Variants in ANKRD29 observed in about 807,000 individuals in gnomAD.
The protein encoded by ANKRD29 is ankyrin repeat domain-containing protein 29.
In ANKRD29, 32 loss-of-function variants were observed where a neutral mutation model predicts 38.0. That is an observed-to-expected ratio of 0.84 (90% CI 0.64 to 1.13). The LOEUF is 1.13. ANKRD29 is among the 50% of genes most tolerant of loss of function. ANKRD29 has a pLI of 0.00. For missense variants in ANKRD29, 357 were observed against 377.9 expected (o/e 0.94, Z 0.46); for synonymous variants, 135 against 152.4 (o/e 0.89, Z 0.84).
At chr18:23,619,492 G>A in intron 7 of ANKRD29, 39 bp downstream of exon 7, 1 of 1,533,472 alleles carries the variant, frequency 6.5e-7, no homozygotes, top group South Asian at 1.2e-5. Flanking sequence ...AGGCGCGCCG[G>A]GAGGCTTCGC....
In ANKRD29 at chr18:23,638,941, T is replaced by C. The variant is rs780930366; in HGVS notation, c.238A>G (p.Thr80Ala). ...ADINLQRESG[T>A]TALFFAAQQG... ...TGGGCGGCAAAGAATAGGGCAGTTG[T>C]ACCTGACTGGGAGAGAGGGAGAGGC... The change falls in exon 4 of 10, where the codon ACA becomes GCA. Residue 80 changes from threonine (T) to alanine (A), a missense_variant. By Grantham distance (58) the Thr-to-Ala change is moderately conservative (BLOSUM62 0). Transcript: ENST00000592179. The C allele has an allele frequency of 8.7e-6, 14 of 1,606,146 alleles. No individual in the cohort carries two copies. Among genetic ancestry groups the C allele is most frequent in the Non-Finnish European group, 1.2e-5 (14 of 1,177,612 alleles).
intron 5 of ANKRD29, 136 bp from the exon 6 acceptor site, chr18:23,630,087 G>C: frequency 1.4e-6 from 1 of 690,944 alleles, no homozygotes. Flanking sequence ...CCAGGAGATA[G>C]AGACCAGCCT....
intron 5 of ANKRD29, among the ~76,000 whole-genome samples, chr18:23,632,949 A>G (rs1351003795): frequency 6.6e-6 from 1 of 152,170 alleles, no homozygotes; most frequent in East Asian, 1.9e-4. Context: ...TCACACCTAC[A>G]GAGCTCATTA....
chr18:23,638,873 T>G lies in ANKRD29; in HGVS notation c.306A>C (p.Gly102=). The G allele has an allele frequency of 1.2e-6, 2 of 1,612,224 alleles. No homozygotes were observed. Among genetic ancestry groups the G allele is most frequent in the Non-Finnish European group, 1.7e-6 (2 of 1,179,600 alleles). Residue 102 remains glycine, a synonymous_variant, in exon 4 of 10, where the codon GGA becomes GGC. Coordinates refer to ENST00000592179, the MANE Select transcript of ANKRD29 (RefSeq NM_173505.4). ...CTTTGGTCCTAAATTCAGTGGATGC[T>G]CCAAATCCAAAGAGAAATCTCACGA... The part of the protein sequence containing the change: ...NDVVRFLFGF[G]ASTEFRTKDG...
intron 9 of ANKRD29, among the ~76,000 whole-genome samples, chr18:23,610,260 A>G (rs2059624549): frequency 6.6e-6 from 1 of 151,734 alleles, no homozygotes; most frequent in Non-Finnish European, 1.5e-5. Flanking sequence ...GGCGGATCAC[A>G]AGGTCAAGAG....
chr18:23,631,774 C>A (rs1363686752), intron 5 of ANKRD29, among the ~76,000 whole-genome samples: 1 of 152,190 alleles, frequency 6.6e-6, no homozygotes, highest in African/African-American at 2.4e-5. Context: ...AGTATCTATG[C>A]CTTCTGGGCA....
At chr18:23,662,666 C>T (rs2060381974) in intron 1 of ANKRD29, 44 bp downstream of exon 1, 2 of 1,417,688 alleles carry the variant, frequency 1.4e-6, no homozygotes, top group African/African-American at 1.5e-5. Flanking sequence ...GCCCGGCCGC[C>T]CGAGCCCGGC....
intron 8 of ANKRD29, among the ~76,000 whole-genome samples, chr18:23,616,677 A>G (rs1348947772): frequency 6.9e-6 from 1 of 144,916 alleles, no homozygotes; most frequent in Non-Finnish European, 1.5e-5. Context: ...ATTAATAAAT[A>G]TATCTTTACT....
chr18:23,654,279 A>AAAT (rs2060248850), intron 1 of ANKRD29, among the ~76,000 whole-genome samples: 3 of 136,516 alleles, frequency 2.2e-5, no homozygotes, highest in Non-Finnish European at 4.6e-5. Context: ...GCCTCCACAA[A>AAAT]AAATAAATAA....
At chr18:23,618,831 T>TGGGGGGGGGGGGGGGGGGG (rs1203533189) in intron 7 of ANKRD29, 1 of 52,746 alleles carries the variant, frequency 1.9e-5, no homozygotes, top group African/African-American at 7.8e-5. Context: ...GGGCGGGGGG[T>TGGGGGGGGGGGGGGGGGGG]GGGGGTCTTT....
Position 23,639,634 on chromosome 18 carries a change from C to G in ANKRD29, c.232-687G>C, listed in dbSNP as rs531775783. 2.3e-4 allele frequency among the ~76,000 whole-genome samples: 35 copies of G among 150,648 alleles called. 1 individual carries two copies. The South Asian group carries it at 3.6e-3, about 15-fold the overall frequency. ...CACTGCAACCTCTGCCTCCCAGGTT[C>G]AAGTGATTCTCATGCCTCAGCCTCC... is the stretch of plus-strand genomic sequence containing the variant. On this transcript the variant is annotated intron_variant, in intron 3 of 9. Coordinates refer to ENST00000592179, the MANE Select transcript of ANKRD29 (RefSeq NM_173505.4).
At chr18:23,651,874 A>G (rs2060214789) in intron 1 of ANKRD29, among the ~76,000 whole-genome samples, 1 of 152,212 alleles carries the variant, frequency 6.6e-6, no homozygotes, top group African/African-American at 2.4e-5. Flanking sequence ...GTATGGGAAG[A>G]TTAGACAGAC....
intron 1 of ANKRD29, among the ~76,000 whole-genome samples, chr18:23,655,816 G>A (rs547201770): frequency 1.3e-5 from 2 of 149,714 alleles, no homozygotes; most frequent in Non-Finnish European, 1.5e-5. Context: ...AATTCTGGCC[G>A]GGCGCGGTGG....
At chr18:23,634,194 C>T in intron 4 of ANKRD29, 45 bp from the exon 5 acceptor site, 1 of 1,427,390 alleles carries the variant, frequency 7.0e-7, no homozygotes, top group Non-Finnish European at 9.7e-7. Flanking sequence ...GGCGCAGGCA[C>T]ATAATTCACC....
Position 23,601,210 on chromosome 18 carries a change from C to CA in ANKRD29, c.*15dup. The CA allele has an allele frequency of 6.2e-7, 1 of 1,608,356 alleles. No individual in the cohort carries two copies. The highest frequency in any genetic ancestry group is 8.5e-7 in the Non-Finnish European group (1 of 1,175,104). On this transcript the variant is annotated 3_prime_UTR_variant, in exon 10 of 10. Coordinates refer to ENST00000592179, the MANE Select transcript of ANKRD29 (RefSeq NM_173505.4). ...GTGGTTAAGCTTTCTATCTTTCTGT[C>CA]AAATATGGAGCTAAGTTAGCTCTTT...
intron 1 of ANKRD29, among the ~76,000 whole-genome samples, chr18:23,651,061 G>A (rs1173080609): frequency 6.6e-6 from 1 of 152,164 alleles, no homozygotes; most frequent in African/African-American, 2.4e-5. Context: ...AACAATTTCA[G>A]CTACTCAACA....
At chr18:23,656,971 G>A (rs1485268074) in intron 1 of ANKRD29, among the ~76,000 whole-genome samples, 2 of 152,164 alleles carry the variant, frequency 1.3e-5, no homozygotes, top group South Asian at 4.2e-4. Context: ...GCCTGCTCCC[G>A]GTGGAAGCAA....
At chr18:23,626,228 G>C (rs2059860583) in intron 6 of ANKRD29, among the ~76,000 whole-genome samples, 1 of 152,098 alleles carries the variant, frequency 6.6e-6, no homozygotes, top group African/African-American at 2.4e-5. Context: ...ACAAGTCAAG[G>C]CTTCTGTTAG....
intron 5 of ANKRD29, among the ~76,000 whole-genome samples, chr18:23,631,200 C>A (rs1180688607): frequency 1.3e-5 from 2 of 151,272 alleles, no homozygotes; most frequent in Non-Finnish European, 2.9e-5. Context: ...GAGTTCAAGA[C>A]CAGCCCTGGA....
Sources: allele counts gnomAD v4.1 joint callset (sites outside exome capture counted in the v4.1 genomes callset), GRCh38; gene constraint gnomAD v4.1.1; transcripts MANE v1.5; gene names NCBI Gene and HGNC (gene_info 2026-07-23, HGNC 2026-07-21).